The following ARHGAP15 variants were observed in gnomAD, a reference collection of about 807,000 sequenced individuals.
The protein encoded by ARHGAP15 is Rho GTPase activating protein 15, also known as rho GTPase-activating protein 15.
In ARHGAP15, 51 loss-of-function variants were observed where a neutral mutation model predicts 63.7. The ratio of observed to expected loss-of-function variants is 0.80; its 90% confidence interval spans 0.64 to 1.01. The LOEUF is 1.01. Among genes scored for constraint, ARHGAP15 ranks in the 50% least tolerant of loss-of-function variants. The pLI is 0.00. For missense variants in ARHGAP15, 560 were observed against 564.6 expected, an observed-to-expected ratio of 0.99 and a Z score of 0.08; for synonymous variants, 191 against 193.8, an observed-to-expected ratio of 0.99 and a Z score of 0.12.
intron 9 of ARHGAP15, among the ~76,000 whole-genome samples, chr2:143,501,073 C>A (rs546691740): frequency 6.6e-6 from 1 of 152,246 alleles, no homozygotes; most frequent in South Asian, 2.1e-4. Flanking sequence ...TCTGGGTTAA[C>A]CTCACAGTAA....
At chr2:143,395,525 A>G (rs935151036) in intron 6 of ARHGAP15, among the ~76,000 whole-genome samples, 3 of 152,186 alleles carry the variant, frequency 2.0e-5, no homozygotes, top group African/African-American at 7.2e-5. Flanking sequence ...TTACCTATAG[A>G]AGATGTTCTT....
chr2:143,614,445 C>G (rs1176502656), intron 11 of ARHGAP15, among the ~76,000 whole-genome samples: 1 of 152,086 alleles, frequency 6.6e-6, no homozygotes, highest in South Asian at 2.1e-4. Context: ...AATGAATAAC[C>G]TACTTATGTC....
At chr2:143,327,420 A>G (rs1263797747) in intron 6 of ARHGAP15, among the ~76,000 whole-genome samples, 1 of 152,240 alleles carries the variant, frequency 6.6e-6, no homozygotes, top group Non-Finnish European at 1.5e-5. Flanking sequence ...TGGAACCAAA[A>G]AAGAGCCTGT....
chr2:143,530,809 T>G (rs1403284773), intron 10 of ARHGAP15, among the ~76,000 whole-genome samples: 1 of 152,220 alleles, frequency 6.6e-6, no homozygotes, highest in Non-Finnish European at 1.5e-5. Flanking sequence ...TCCTCACAGA[T>G]GTCCACAGTT....
Position 143,578,170 on chromosome 2 carries a change from A to G in ARHGAP15, c.1003+21685A>G, listed in dbSNP as rs538442659. On this transcript the variant is annotated intron_variant, in intron 11 of 13. Transcript: ENST00000295095. Reference sequence around the variant, plus strand: ...GTTACGTTGGTTTGCTAGCTCAGGTATAAGTGTGGACCCTCATATGTCCTG... The same window carrying G: ...GTTACGTTGGTTTGCTAGCTCAGGTGTAAGTGTGGACCCTCATATGTCCTG... 3.9e-5 allele frequency among the ~76,000 whole-genome samples: 6 copies of G among 152,276 alleles called. No homozygotes were observed. The South Asian group carries it at 6.2e-4, about 16-fold the overall frequency.
At chr2:143,583,924 A>G (rs1697006432) in intron 11 of ARHGAP15, among the ~76,000 whole-genome samples, 1 of 152,158 alleles carries the variant, frequency 6.6e-6, no homozygotes, top group Admixed American at 6.6e-5. Context: ...ACTAAACTTT[A>G]CTTTTTAGCT....
At chr2:143,336,678 C>T (rs1558902853) in intron 6 of ARHGAP15, among the ~76,000 whole-genome samples, 1 of 152,036 alleles carries the variant, frequency 6.6e-6, no homozygotes, top group Non-Finnish European at 1.5e-5. Flanking sequence ...CCACTTAGCT[C>T]CCTTCTTTCC....
intron 10 of ARHGAP15, among the ~76,000 whole-genome samples, chr2:143,541,355 C>G (rs892641468): frequency 1.3e-5 from 2 of 152,176 alleles, no homozygotes; most frequent in African/African-American, 2.4e-5. Flanking sequence ...ATTTGATCTT[C>G]TGAAGCCTTC....
At chr2:143,660,582 TACTC>T (rs1466517321) in intron 12 of ARHGAP15, among the ~76,000 whole-genome samples, 9 of 152,204 alleles carry the variant, frequency 5.9e-5, no homozygotes, top group Admixed American at 1.3e-4. Flanking sequence ...TTCAGGAAAT[TACTC>T]ACTTAGCGAC....
chr2:143,711,663 T>C (rs1684586021), intron 13 of ARHGAP15, among the ~76,000 whole-genome samples: 1 of 152,196 alleles, frequency 6.6e-6, no homozygotes, highest in Non-Finnish European at 1.5e-5. Context: ...GCACTGTCGC[T>C]CACTCATTTA....
chr2:143,595,862 C>A (rs1274086916), intron 11 of ARHGAP15, among the ~76,000 whole-genome samples: 1 of 152,094 alleles, frequency 6.6e-6, no homozygotes, highest in African/African-American at 2.4e-5. Context: ...AAAATATAAA[C>A]AATCTTCCAA....
chr2:143,542,668 G>C lies in ARHGAP15; in HGVS notation c.926-13740G>C, dbSNP rs930838189. Among the ~76,000 whole-genome samples the C allele has an allele frequency of 5.2e-5, 7 of 133,948 alleles. No individual in the cohort carries two copies. The Middle Eastern group carries it at 0.013, about 241-fold the overall frequency. 87.9% of individuals were successfully genotyped at this position (133,948 alleles called of 152,430 possible). On this transcript the variant is annotated intron_variant, in intron 10 of 13. Coordinates refer to ENST00000295095, the MANE Select transcript of ARHGAP15 (RefSeq NM_018460.4). ...TATATATGATATATATTATATATAT[G>C]ATATATATGATATGATATATAGTAT...
intron 2 of ARHGAP15, among the ~76,000 whole-genome samples, chr2:143,166,002 G>GAAAGA (rs67785845): frequency 1.3e-5 from 1 of 75,270 alleles, no homozygotes; most frequent in Non-Finnish European, 2.8e-5. Flanking sequence ...AAGAAAGAAA[G>GAAAGA]AAGGAAGGAA....
chr2:143,693,012 G>A (rs1324715227), intron 12 of ARHGAP15, among the ~76,000 whole-genome samples: 1 of 152,024 alleles, frequency 6.6e-6, no homozygotes, highest in Non-Finnish European at 1.5e-5. Context: ...ATGCCTGTAA[G>A]CATTTAAAGT....
intron 6 of ARHGAP15, among the ~76,000 whole-genome samples, chr2:143,307,506 A>G (rs1005573280): frequency 3.3e-5 from 5 of 152,182 alleles, no homozygotes; most frequent in African/African-American, 1.2e-4. Context: ...CATGATATCA[A>G]CATGCAACTG....
At chr2:143,433,234 T>A (rs1689466374) in intron 6 of ARHGAP15, among the ~76,000 whole-genome samples, 1 of 152,040 alleles carries the variant, frequency 6.6e-6, no homozygotes, top group African/African-American at 2.4e-5. Flanking sequence ...CAGTCAAAGA[T>A]TTTGAAACTA....
rs138277070 is a variant in ARHGAP15 at position 143,625,035 on chromosome 2, C to T, written c.1138+768C>T. Reference sequence around the variant, plus strand: ...ATCCTTGGAGAAGCAACTACTGGTACGTCTCTAAATTTAATATCTTAGGGT... The same window carrying T: ...ATCCTTGGAGAAGCAACTACTGGTATGTCTCTAAATTTAATATCTTAGGGT... On this transcript the variant is annotated intron_variant, in intron 12 of 13. Transcript: ENST00000295095. Among the ~76,000 whole-genome samples, 593 of 152,176 alleles carry T rather than the reference C, an allele frequency of 3.9e-3. 4 individuals are homozygous for T. Among genetic ancestry groups the T allele is most frequent in the African/African-American group, 0.013 (550 of 41,510 alleles).
In ARHGAP15 at chr2:143,188,954, T is replaced by C. The variant is rs535258229; in HGVS notation, c.166-13180T>C. On this transcript the variant is annotated intron_variant, in intron 2 of 13. Coordinates refer to ENST00000295095, the MANE Select transcript of ARHGAP15 (RefSeq NM_018460.4). ...CCTTATTTCTAACGATTTTTTTTTT[T>C]CCCTTGGTCAAATCCTTCATTTTGC... 3.5e-3 allele frequency among the ~76,000 whole-genome samples: 527 copies of C among 152,074 alleles called. 5 individuals carry two copies. Among genetic ancestry groups the C allele is most frequent in the African/African-American group, 0.012 (498 of 41,478 alleles).
At chr2:143,613,781 A>G (rs1437950041) in intron 11 of ARHGAP15, among the ~76,000 whole-genome samples, 1 of 152,194 alleles carries the variant, frequency 6.6e-6, no homozygotes, top group Non-Finnish European at 1.5e-5. Context: ...GTATTTCAAT[A>G]CATCAGAGCC....
Sources: allele counts gnomAD v4.1 joint callset (sites outside exome capture counted in the v4.1 genomes callset), GRCh38; gene constraint gnomAD v4.1.1; transcripts MANE v1.5; gene names NCBI Gene and HGNC (gene_info 2026-07-23, HGNC 2026-07-21).